ADCY2: variants seen among roughly 807,000 people sequenced by gnomAD.
The protein encoded by ADCY2 is adenylate cyclase 2.
Under a neutral mutation model 125.2 loss-of-function variants are expected in ADCY2, and 31 were observed. The observed-to-expected ratio is 0.25, with a 90% CI of 0.19 to 0.33. The LOEUF is 0.33. Ranked by LOEUF, ADCY2 falls within the 10% of genes least tolerant of loss-of-function variation. ADCY2 has a pLI of 1.00. For synonymous variants in ADCY2, 512 were observed against 548.4 expected (o/e 0.93, Z 0.93); for missense variants, 904 against 1,418.2 (o/e 0.64, Z 5.82).
chr5:7,763,110 C>T (rs563509445), intron 16 of ADCY2, among the ~76,000 whole-genome samples: 1,794 of 144,734 alleles, frequency 0.012, 38 homozygotes, highest in African/African-American at 0.043. Context: ...TTTTTTTTTT[C>T]CGAGACGGAG....
intron 13 of ADCY2, 122 bp downstream of exon 13, chr5:7,724,736 T>A: frequency 1.5e-6 from 1 of 681,124 alleles, no homozygotes; most frequent in South Asian, 1.7e-5. Flanking sequence ...ATTCGAACTC[T>A]TTCTGGCTTT....
intron 4 of ADCY2, among the ~76,000 whole-genome samples, chr5:7,677,247 C>G (rs949605330): frequency 6.6e-6 from 1 of 152,018 alleles, no homozygotes; most frequent in Non-Finnish European, 1.5e-5. Context: ...CACTGCACTC[C>G]AGCCTGAGCA....
At chr5:7,674,953 A>C (rs1740068450) in intron 4 of ADCY2, among the ~76,000 whole-genome samples, 1 of 152,142 alleles carries the variant, frequency 6.6e-6, no homozygotes, top group Non-Finnish European at 1.5e-5. Flanking sequence ...CAGGAGATCG[A>C]GACCATCCTG....
intron 3 of ADCY2, among the ~76,000 whole-genome samples, chr5:7,585,122 C>T (rs1736585769): frequency 6.6e-6 from 1 of 152,150 alleles, no homozygotes; most frequent in African/African-American, 2.4e-5. Context: ...AGAAGTCTTG[C>T]ATCACAATGA....
At chr5:7,706,946 A>G (rs1482019413) in intron 8 of ADCY2, 44 bp downstream of exon 8, 1 of 1,609,028 alleles carries the variant, frequency 6.2e-7, no homozygotes, top group South Asian at 1.1e-5. Context: ...AGGCAGAACT[A>G]TTAGGAATGA....
At chr5:7,761,870 A>G (rs1014055942) in intron 16 of ADCY2, among the ~76,000 whole-genome samples, 6 of 152,224 alleles carry the variant, frequency 3.9e-5, no homozygotes, top group African/African-American at 1.4e-4. Flanking sequence ...TCCTTTAGAG[A>G]GAGAACACCT....
At chr5:7,443,318 C>T (rs1402459159) in intron 2 of ADCY2, among the ~76,000 whole-genome samples, 4 of 152,088 alleles carry the variant, frequency 2.6e-5, no homozygotes, top group South Asian at 2.1e-4. Flanking sequence ...TTAAAATCTA[C>T]GTACTCAACA....
chr5:7,766,118 G>A (rs1743370397), intron 16 of ADCY2, among the ~76,000 whole-genome samples: 1 of 152,044 alleles, frequency 6.6e-6, no homozygotes, highest in African/African-American at 2.4e-5. Context: ...GCAGTCCAGA[G>A]AACATCCATC....
intron 2 of ADCY2, among the ~76,000 whole-genome samples, chr5:7,498,187 G>A (rs1164435257): frequency 1.3e-5 from 2 of 151,220 alleles, no homozygotes; most frequent in Non-Finnish European, 2.9e-5. Flanking sequence ...ACTTATAAAT[G>A]GGAGTAGTAT....
intron 4 of ADCY2, among the ~76,000 whole-genome samples, chr5:7,657,747 G>A (rs1385493570): frequency 6.6e-6 from 1 of 152,212 alleles, no homozygotes; most frequent in Non-Finnish European, 1.5e-5. Flanking sequence ...CAATAGAAAT[G>A]TCTCCTCACC....
chr5:7,435,928 A>C (rs1163046935), intron 2 of ADCY2, among the ~76,000 whole-genome samples: 1 of 152,204 alleles, frequency 6.6e-6, no homozygotes, highest in Non-Finnish European at 1.5e-5. Flanking sequence ...AAAATTTTAG[A>C]AGCCTTCAGA....
intron 2 of ADCY2, among the ~76,000 whole-genome samples, chr5:7,493,381 G>A (rs1397482769): frequency 6.6e-6 from 1 of 151,980 alleles, no homozygotes; most frequent in Non-Finnish European, 1.5e-5. Context: ...ACTCCTCTAA[G>A]AAGAGGACAG....
chr5:7,613,326 C>A (rs570638685), intron 3 of ADCY2, among the ~76,000 whole-genome samples: 2 of 152,254 alleles, frequency 1.3e-5, no homozygotes, highest in Admixed American at 6.5e-5. Context: ...ACCGGAGCTT[C>A]TAGTATAGGG....
chr5:7,528,410 T>G (rs1397158043), intron 3 of ADCY2, among the ~76,000 whole-genome samples: 3 of 126,588 alleles, frequency 2.4e-5, no homozygotes, highest in Non-Finnish European at 5.7e-5. Flanking sequence ...TAACTAACAA[T>G]TTGACTGTAA....
chr5:7,803,724 C>A (rs1744671999), intron 21 of ADCY2, among the ~76,000 whole-genome samples: 1 of 151,966 alleles, frequency 6.6e-6, no homozygotes, highest in Non-Finnish European at 1.5e-5. Flanking sequence ...CATAGGGAGA[C>A]CCTGTCTCTG....
chr5:7,629,697 G>A (rs1396421007), intron 4 of ADCY2, among the ~76,000 whole-genome samples: 1 of 152,206 alleles, frequency 6.6e-6, no homozygotes, highest in Non-Finnish European at 1.5e-5. Context: ...TTTGTCTTAA[G>A]TTTCATATCC....
chr5:7,589,457 A>AAAAAGAAAG (rs1736746393), intron 3 of ADCY2, among the ~76,000 whole-genome samples: 2 of 79,754 alleles, frequency 2.5e-5, no homozygotes, highest in Non-Finnish European at 5.2e-5. Context: ...AGAAGGAAAG[A>AAAAAGAAAG]AAAAGAAAGA....
intron 2 of ADCY2, among the ~76,000 whole-genome samples, chr5:7,418,649 T>TTTTG: frequency 9.5e-6 from 1 of 105,486 alleles, no homozygotes; most frequent in South Asian, 3.6e-4. Context: ...TACCTTCTGT[T>TTTTG]TTTTTTTTTT....
At chr5:7,753,856 A>T (rs1250494883) in intron 15 of ADCY2, among the ~76,000 whole-genome samples, 1 of 152,154 alleles carries the variant, frequency 6.6e-6, no homozygotes. Flanking sequence ...CCTTGCCAGC[A>T]GCAATGCCTA....
Sources: allele counts gnomAD v4.1 joint callset (sites outside exome capture counted in the v4.1 genomes callset), GRCh38; gene constraint gnomAD v4.1.1; transcripts MANE v1.5; gene names NCBI Gene and HGNC (gene_info 2026-07-23, HGNC 2026-07-21).